The following PDE6B variants were observed in gnomAD, a reference collection of about 807,000 sequenced individuals.
PDE6B encodes the protein rod cGMP-specific 3',5'-cyclic phosphodiesterase subunit beta.
A neutral mutation model predicts 109.0 loss-of-function variants in PDE6B; 106 were observed. The observed-to-expected ratio is 0.97, with a 90% CI of 0.83 to 1.14. The LOEUF (loss-of-function observed/expected upper bound fraction) is 1.14. Ranked by LOEUF, PDE6B falls within the 50% of genes most tolerant of loss-of-function variation. The pLI, the probability that PDE6B is intolerant of heterozygous loss-of-function variation, is 0.00. For missense variants in PDE6B, 1,193 were observed against 1,155.6 expected, an observed-to-expected ratio of 1.03 and a Z score of -0.47; for synonymous variants, 490 against 471.3, an observed-to-expected ratio of 1.04 and a Z score of -0.51.
Position 666,226 on chromosome 4 carries a change from T to C in PDE6B, c.2269-305T>C, listed in dbSNP as rs1042180182. Among the ~76,000 whole-genome samples, 2 of 151,420 alleles carry C rather than the reference T, an allele frequency of 1.3e-5. No homozygotes were observed. Among genetic ancestry groups the C allele is most frequent in the Admixed American group, 6.6e-5 (1 of 15,222 alleles). The stretch of plus-strand genomic sequence containing the variant: ...CAGCACTGTGTACAGCCCATCCCCC[T>C]CCCCGCCTCTCCCCAGCTGCAGTAA... On this transcript the variant is annotated intron_variant, in intron 19 of 21. Transcript: ENST00000496514. The surrounding 1 kb of genome is among the most constrained non-coding windows in gnomAD (Gnocchi z 5.6).
chr4:665,128 C>A lies in PDE6B; in HGVS notation c.2194-127C>A. The A allele has an allele frequency of 1.2e-6, 1 of 836,624 alleles. No individual in the cohort carries two copies. The highest frequency in any genetic ancestry group is 2.0e-6 in the Non-Finnish European group (1 of 490,924). The allele number at this position is 836,624 out of a possible 1,614,324, so 51.8% of individuals were successfully genotyped here. On this transcript the variant is annotated intron_variant, in intron 18 of 21. Coordinates refer to ENST00000496514, the MANE Select transcript of PDE6B (RefSeq NM_000283.4). This position sits in a 1 kb window ranked among gnomAD's most constrained non-coding sequence, Gnocchi z 4.0. ...GTGTGTCTACATGGCTCAACCGGAG[C>A]CCTGTGTGGTGGGGACCCCGGGGGT... is the stretch of plus-strand genomic sequence containing the variant.
chr4:637,604 T>C (rs1734752479), intron 3 of PDE6B, among the ~76,000 whole-genome samples: 2 of 152,228 alleles, frequency 1.3e-5, no homozygotes, highest in South Asian at 4.1e-4. Context: ...CCAGGGAGCC[T>C]GGTTCCTTCT....
intron 3 of PDE6B, chr4:651,511 A>G (rs4505760): frequency 0.21 from 31,983 of 152,240 alleles, 4,052 homozygotes; most frequent in African/African-American, 0.35. Flanking sequence ...GAGGGCGCAG[A>G]GGGTGGGGCC....
intron 3 of PDE6B, among the ~76,000 whole-genome samples, chr4:644,670 C>T (rs1365111852): frequency 6.6e-6 from 1 of 152,014 alleles, no homozygotes; most frequent in East Asian, 1.9e-4. Context: ...GCTGGGACTA[C>T]AGGCACACGC....
intron 1 of PDE6B, among the ~76,000 whole-genome samples, chr4:627,953 AG>A (rs1734197855): frequency 6.6e-6 from 1 of 151,096 alleles, no homozygotes. Flanking sequence ...CCTGTTCCCC[AG>A]GGCTGTTCTA....
chr4:651,214 G>A (rs1453661779), intron 3 of PDE6B, among the ~76,000 whole-genome samples: 1 of 151,734 alleles, frequency 6.6e-6, no homozygotes, highest in African/African-American at 2.4e-5. Flanking sequence ...CTGAGGCGGC[G>A]ATGTCAACGG....
chr4:663,674 G>C lies in PDE6B; in HGVS notation c.1921-96G>C. On this transcript the variant is annotated intron_variant, in intron 15 of 21. Coordinates refer to ENST00000496514, the MANE Select transcript of PDE6B (RefSeq NM_000283.4). This position sits in a 1 kb window ranked among gnomAD's most constrained non-coding sequence, Gnocchi z 4.0. ...ACCGAGGGCCCGAGGGCGGGGGCGT[G>C]AGAGGCACAGGCAGCCGAGGCGGAA... 1.3e-5 allele frequency: 11 copies of C among 879,226 alleles called. No individual in the cohort carries two copies. The South Asian group carries it at 1.5e-4, about 12-fold the overall frequency. 54.5% of individuals were successfully genotyped at this position (879,226 alleles called of 1,614,324 possible). A position where few individuals can be genotyped will look rare whatever the true frequency, so the allele number is the denominator to read the frequency against.
chr4:659,621 A>AATGTGCACATGTGTACACATGT (rs1736807490), intron 11 of PDE6B, among the ~76,000 whole-genome samples: 1 of 148,770 alleles, frequency 6.7e-6, no homozygotes, highest in African/African-American at 2.5e-5. Flanking sequence ...GCATTGTATG[A>AATGTGCACATGTGTACACATGT]ATGTGCACAT....
chr4:625,830 G>C lies in PDE6B; in HGVS notation c.204G>C (p.Glu68Asp), dbSNP rs200079698. ...TGGAGCTGGTGCAGGATATGCAGGA[G>C]AGCATCAACATGGAGCGCGTGGTCT... Reference protein sequence around the residue: ...ALLELVQDMQESINMERVVFK... With the variant: ...ALLELVQDMQDSINMERVVFK... The change falls in exon 1 of 22, where the codon GAG (glutamate) becomes GAC (aspartate). Residue 68 changes from glutamate (E) to aspartate (D), a missense_variant. Coordinates refer to ENST00000496514, the MANE Select transcript of PDE6B (RefSeq NM_000283.4). The surrounding 1 kb of genome is among the most constrained non-coding windows in gnomAD (Gnocchi z 5.0). 277 of 1,613,094 alleles carry C rather than the reference G, an allele frequency of 1.7e-4. No individual in the cohort carries two copies. Among genetic ancestry groups the C allele is most frequent in the Admixed American group, 3.0e-4 (18 of 60,016 alleles).
At chr4:629,982 T>C (rs1734302720) in intron 1 of PDE6B, among the ~76,000 whole-genome samples, 1 of 151,930 alleles carries the variant, frequency 6.6e-6, no homozygotes, top group Non-Finnish European at 1.5e-5. Flanking sequence ...TCCTGGCATG[T>C]CTGACCAGGA....
chr4:647,703 T>C (rs931794801), intron 3 of PDE6B, among the ~76,000 whole-genome samples: 9 of 151,916 alleles, frequency 5.9e-5, no homozygotes, highest in African/African-American at 1.7e-4. Flanking sequence ...GGGTGAGGGC[T>C]TCACAGATGC....
At chr4:628,620 C>T (rs531734721) in intron 1 of PDE6B, among the ~76,000 whole-genome samples, 62 of 152,354 alleles carry the variant, frequency 4.1e-4, no homozygotes, top group African/African-American at 1.3e-3. Flanking sequence ...GAGCTGCAAG[C>T]GTCCATCCTC....
chr4:657,574 G>A, intron 10 of PDE6B, 80 bp downstream of exon 10: 1 of 1,461,092 alleles, frequency 6.8e-7, no homozygotes, highest in Admixed American at 1.7e-5. Context: ...GGGTCACCCA[G>A]GGGTCTCGGC....
rs781668266 is a variant in PDE6B at position 626,106 on chromosome 4, C to T, written c.468+12C>T. 1.7e-5 allele frequency: 26 copies of T among 1,513,776 alleles called. No homozygotes were observed. In the Middle Eastern group the frequency reaches 7.8e-4, roughly 45 times the overall value. 93.8% of individuals were successfully genotyped at this position (1,513,776 alleles called of 1,614,324 possible). A position where few individuals can be genotyped will look rare whatever the true frequency, so the allele number is the denominator to read the frequency against. On this transcript the variant is annotated intron_variant, in intron 1 of 21. Coordinates refer to ENST00000496514, the MANE Select transcript of PDE6B (RefSeq NM_000283.4). The surrounding 1 kb of genome is among the most constrained non-coding windows in gnomAD (Gnocchi z 4.6). ...AGGACGTGGCCGAGGTGGGTCTGTG[C>T]GGAGCCTCAGGGAGGCGGCTGTGTG... is the stretch of plus-strand genomic sequence containing the variant.
At chr4:664,015 G>A (rs1401785894) in intron 16 of PDE6B, 99 bp from the exon 17 acceptor site, 7 of 1,149,000 alleles carry the variant, frequency 6.1e-6, no homozygotes, top group African/African-American at 6.1e-5. Context: ...CACCCCGGAT[G>A]GGGCCTCGCT....
chr4:660,984 A>ATGG (rs1737019689), intron 12 of PDE6B, among the ~76,000 whole-genome samples: 1 of 37,990 alleles, frequency 2.6e-5, no homozygotes, highest in Non-Finnish European at 5.1e-5. Context: ...TAGTTGGATA[A>ATGG]ATGGATGGGT....
intron 10 of PDE6B, among the ~76,000 whole-genome samples, chr4:657,804 G>C (rs1270875638): frequency 7.1e-6 from 1 of 141,030 alleles, no homozygotes; most frequent in Non-Finnish European, 1.5e-5. Context: ...GGCTCACCCA[G>C]GGGTCATGGC....
At chr4:653,449 G>A in intron 3 of PDE6B, 1 of 694,920 alleles carries the variant, frequency 1.4e-6, no homozygotes, top group Non-Finnish European at 2.0e-6. Flanking sequence ...GCTTGGCGGA[G>A]GCCACAGGCG....
chr4:656,563 G>A lies in PDE6B; in HGVS notation c.1107+271G>A, dbSNP rs527332577. Among the ~76,000 whole-genome samples the A allele has an allele frequency of 6.0e-4, 89 of 149,516 alleles. 1 individual carries two copies. Among genetic ancestry groups the A allele is most frequent in the African/African-American group, 1.9e-3 (78 of 40,240 alleles). Reference sequence around the variant, plus strand: ...GACCGCGGCCCCCACACACCCCTGCGAGGCCGTGACCGCGGCCCCCACACA... The same window carrying A: ...GACCGCGGCCCCCACACACCCCTGCAAGGCCGTGACCGCGGCCCCCACACA... On this transcript the variant is annotated intron_variant, in intron 8 of 21. Coordinates refer to ENST00000496514, the MANE Select transcript of PDE6B (RefSeq NM_000283.4).
Sources: gnomAD v4.1 joint callset for allele counts (sites outside exome capture counted in the v4.1 genomes callset) on GRCh38, gnomAD v4.1.1 for gene constraint, Gnocchi (gnomAD v3.1) non-coding constraint, MANE v1.5 for transcripts, NCBI Gene and HGNC (gene_info 2026-07-23, HGNC 2026-07-21) for gene names.